Variants in RALGAPA2 observed in about 807,000 individuals in gnomAD.
RALGAPA2 encodes the protein ral GTPase-activating protein subunit alpha-2.
A neutral mutation model predicts 230.4 loss-of-function variants in RALGAPA2; 139 were observed. That is an observed-to-expected ratio of 0.60 (90% confidence interval 0.53 to 0.69). The LOEUF is 0.69. Ranked by LOEUF, RALGAPA2 falls within the 30% of genes least tolerant of loss-of-function variation. The pLI is 0.00. For missense variants in RALGAPA2, 2,163 were observed against 2,276.0 expected, an observed-to-expected ratio of 0.95 and a Z score of 1.01; for synonymous variants, 847 against 837.8, an observed-to-expected ratio of 1.01 and a Z score of -0.19.
intron 32 of RALGAPA2, 102 bp from the exon 33 acceptor site, chr20:20,511,427 C>CCA: frequency 7.0e-7 from 1 of 1,434,324 alleles, no homozygotes; most frequent in Non-Finnish European, 9.1e-7. Flanking sequence ...CCATCCTCTA[C>CCA]CACCTCACTC....
chr20:20,432,323 T>C (rs1334122908), intron 37 of RALGAPA2, among the ~76,000 whole-genome samples: 1 of 152,180 alleles, frequency 6.6e-6, no homozygotes, highest in Non-Finnish European at 1.5e-5. Context: ...CTGCCTTGTG[T>C]CACAAACCAG....
At chr20:20,524,123 A>AT (rs1420995748) in intron 30 of RALGAPA2, among the ~76,000 whole-genome samples, 1 of 152,080 alleles carries the variant, frequency 6.6e-6, no homozygotes, top group Non-Finnish European at 1.5e-5. Flanking sequence ...CGCCCGGCTA[A>AT]TTTTTTGTAC....
intron 1 of RALGAPA2, among the ~76,000 whole-genome samples, chr20:20,704,208 G>GA (rs1382704721): frequency 6.6e-6 from 1 of 152,120 alleles, no homozygotes; most frequent in Non-Finnish European, 1.5e-5. Context: ...GGCCTTAGAG[G>GA]AAGAGGTGTC....
intron 9 of RALGAPA2, among the ~76,000 whole-genome samples, chr20:20,634,775 G>A (rs1031504106): frequency 6.6e-6 from 1 of 152,214 alleles, no homozygotes. Flanking sequence ...ACAAATGGTA[G>A]TGCTCCACCA....
intron 14 of RALGAPA2, among the ~76,000 whole-genome samples, chr20:20,610,443 G>T (rs1234897959): frequency 6.6e-6 from 1 of 152,154 alleles, no homozygotes; most frequent in East Asian, 1.9e-4. Context: ...TGAGATGCAA[G>T]AAGCACAGGC....
intron 38 of RALGAPA2, 119 bp downstream of exon 38, chr20:20,411,908 G>T: frequency 7.6e-7 from 1 of 1,318,762 alleles, no homozygotes. Context: ...TTCATTAGTT[G>T]ATTCAGAGGG....
At chr20:20,466,355 G>T (rs2061421621) in intron 37 of RALGAPA2, among the ~76,000 whole-genome samples, 1 of 152,180 alleles carries the variant, frequency 6.6e-6, no homozygotes. Flanking sequence ...CCATCTGTGG[G>T]CTGGATTTGG....
intron 37 of RALGAPA2, among the ~76,000 whole-genome samples, chr20:20,441,451 C>T (rs1189414172): frequency 1.3e-5 from 2 of 152,184 alleles, no homozygotes; most frequent in Non-Finnish European, 2.9e-5. Context: ...CCTTGCCCTC[C>T]CTGGGCCTCT....
rs35683499 is a variant in RALGAPA2, at chr20:20,546,333, C to CA, written c.3285+370dup. Among the ~76,000 whole-genome samples, 260 of 150,774 alleles carry CA rather than the reference C, an allele frequency of 1.7e-3. 2 individuals carry two copies. The highest frequency in any genetic ancestry group is 6.1e-3 in the African/African-American group (251 of 41,180). ...TAATAACCAAGACTTAATTTAAAAA[C>CA]AAAAAAAAACTTACTGCTAATGTAC... On this transcript the variant is annotated intron_variant, in intron 24 of 39. Transcript: ENST00000202677.
chr20:20,439,258 G>A (rs2060682526), intron 37 of RALGAPA2, among the ~76,000 whole-genome samples: 1 of 151,634 alleles, frequency 6.6e-6, no homozygotes, highest in African/African-American at 2.4e-5. Context: ...TTTCACCCAG[G>A]CTGGGGTGCA....
chr20:20,629,915 T>C (rs879390024), intron 9 of RALGAPA2, among the ~76,000 whole-genome samples: 1 of 152,234 alleles, frequency 6.6e-6, no homozygotes, highest in African/African-American at 2.4e-5. Context: ...GTAAAAACAT[T>C]TGTATTATCA....
intron 36 of RALGAPA2, among the ~76,000 whole-genome samples, chr20:20,479,574 C>T (rs780574410): frequency 6.6e-6 from 1 of 152,104 alleles, no homozygotes; most frequent in Non-Finnish European, 1.5e-5. Flanking sequence ...TAATAAAATC[C>T]AAAATCCAGT....
chr20:20,455,944 T>A (rs2046695074), intron 37 of RALGAPA2, among the ~76,000 whole-genome samples: 1 of 152,156 alleles, frequency 6.6e-6, no homozygotes, highest in Admixed American at 6.5e-5. Context: ...TTAGGATTCA[T>A]GAGACCAAGT....
chr20:20,584,033 T>G (rs1279048176), intron 19 of RALGAPA2, among the ~76,000 whole-genome samples: 1 of 152,146 alleles, frequency 6.6e-6, no homozygotes, highest in Non-Finnish European at 1.5e-5. Flanking sequence ...TGACCAATGG[T>G]AGGTCCCAAA....
chr20:20,460,530 C>T (rs2061276978), intron 37 of RALGAPA2, among the ~76,000 whole-genome samples: 1 of 152,190 alleles, frequency 6.6e-6, no homozygotes, highest in South Asian at 2.1e-4. Flanking sequence ...TGTGCAAGAA[C>T]TCTTCTCACT....
intron 23 of RALGAPA2, among the ~76,000 whole-genome samples, chr20:20,552,723 T>C (rs1010154344): frequency 6.6e-6 from 1 of 152,184 alleles, no homozygotes; most frequent in Non-Finnish European, 1.5e-5. Context: ...TATTAGTTAT[T>C]GCCCACCTGC....
At chr20:20,635,029 T>C (rs1019674047) in intron 9 of RALGAPA2, among the ~76,000 whole-genome samples, 2 of 152,160 alleles carry the variant, frequency 1.3e-5, no homozygotes, top group Non-Finnish European at 2.9e-5. Flanking sequence ...ACAGGTCCTT[T>C]CCAGGGGCCA....
chr20:20,659,615 T>C (rs1213335980), intron 3 of RALGAPA2: 17 of 276,106 alleles, frequency 6.2e-5, no homozygotes, highest in Non-Finnish European at 1.1e-4. Context: ...AATATGACTA[T>C]AAAAAAGAGT....
intron 1 of RALGAPA2, among the ~76,000 whole-genome samples, chr20:20,681,805 G>A (rs1176247144): frequency 6.6e-6 from 1 of 152,164 alleles, no homozygotes; most frequent in Non-Finnish European, 1.5e-5. Context: ...GCTACAGTGA[G>A]CTATGGTTGA....
Sources: gnomAD v4.1 joint callset for allele counts (sites outside exome capture counted in the v4.1 genomes callset) on GRCh38, gnomAD v4.1.1 for gene constraint, MANE v1.5 for transcripts, NCBI Gene and HGNC (gene_info 2026-07-23, HGNC 2026-07-21) for gene names.